Variants in SMIM17 observed in about 807,000 individuals in gnomAD.
SMIM17 encodes small integral membrane protein 17.
A neutral mutation model predicts 12.2 loss-of-function variants in SMIM17; 10 were observed. The ratio of observed to expected loss-of-function variants is 0.82; its 90% CI spans 0.50 to 1.39. The LOEUF is 1.39. SMIM17 is among the 40% of genes most tolerant of loss of function. The pLI, the probability that SMIM17 is intolerant of heterozygous loss-of-function variation, is 0.00. For synonymous variants in SMIM17, 50 were observed against 44.1 expected (o/e 1.13, Z -0.53); for missense variants, 136 against 118.2 (o/e 1.15, Z -0.70).
At chr19:56,645,902 A>AAGACT in intron 2 of SMIM17, 66 bp downstream of exon 2, 1 of 1,433,560 alleles carries the variant, frequency 7.0e-7, no homozygotes, top group Non-Finnish European at 9.2e-7. Flanking sequence ...AGCCTAGGGA[A>AAGACT]AGACTAAACA....
intron 3 of SMIM17, among the ~76,000 whole-genome samples, chr19:56,653,731 T>C (rs1383733803): frequency 2.0e-5 from 3 of 152,214 alleles, no homozygotes; most frequent in African/African-American, 7.2e-5. Context: ...TCCCTAGGTA[T>C]CTGGTTGTAA....
chr19:56,656,814 G>GA lies in SMIM17; in HGVS notation c.*1603dup, dbSNP rs2045155103. On this transcript the variant is annotated 3_prime_UTR_variant, in exon 4 of 4. Coordinates refer to ENST00000598409, the MANE Select transcript of SMIM17 (RefSeq NM_001193628.2). ...CTTGTTTTACTGCACTGTGAACACA[G>GA]AATGTGGCCTATAACACATCTGCTT... Among the ~76,000 whole-genome samples, 2 of 152,326 alleles carry GA rather than the reference G, an allele frequency of 1.3e-5. No individual in the cohort carries two copies. Among genetic ancestry groups the GA allele is most frequent in the South Asian group, 4.1e-4 (2 of 4,834 alleles).
In SMIM17 at chr19:56,645,837, G is replaced by T; in HGVS notation, c.169+1G>T. ...TCCAGCCATGACAGTGATGAGAAAG[G>T]TGAGAGGCAGGGGTCCTTTGGGAGG... On this transcript the variant is annotated splice_donor_variant, in intron 2 of 3. Transcript: ENST00000598409. LOFTEE classifies it high-confidence loss of function. 6.5e-7 allele frequency: 1 copy of T among 1,530,764 alleles called. No homozygotes were observed. Among genetic ancestry groups the T allele is most frequent in the South Asian group, 1.2e-5 (1 of 83,166 alleles). 94.8% of individuals were successfully genotyped at this position (1,530,764 alleles called of 1,614,324 possible). A position where few individuals can be genotyped will look rare whatever the true frequency, so the allele number is the denominator to read the frequency against.
chr19:56,643,988 A>G (rs1334973749), intron 1 of SMIM17, among the ~76,000 whole-genome samples: 1 of 151,906 alleles, frequency 6.6e-6, no homozygotes, highest in Non-Finnish European at 1.5e-5. Context: ...CACCATGAAC[A>G]CTGAGGCTGT....
rs1227366335 is a variant in SMIM17, at chr19:56,645,775, C to T, written c.108C>T (p.Ala36=). 6.5e-7 allele frequency: 1 copy of T among 1,535,902 alleles called. No individual in the cohort carries two copies. Among genetic ancestry groups the T allele is most frequent in the South Asian group, 1.2e-5 (1 of 84,012 alleles). ...CCTGGGAGAAGCCTCCTCATCCCGCCTGCACCAAAGACTGGGAGGCTGTGG... is the reference window on the plus strand; with the variant it reads ...CCTGGGAGAAGCCTCCTCATCCCGCTTGCACCAAAGACTGGGAGGCTGTGG... ...SRAWEKPPHP[A]CTKDWEAVEV... Residue 36 remains alanine, a synonymous_variant, in exon 2 of 4, where the codon GCC becomes GCT. Transcript: ENST00000598409.
At chr19:56,650,086 A>G (rs8182522) in intron 3 of SMIM17, among the ~76,000 whole-genome samples, 102,614 of 152,042 alleles carry the variant, frequency 0.67, 34,843 homozygotes, top group East Asian at 0.88. Flanking sequence ...TCAGAAATGT[A>G]TAGTTAGGGA....
intron 3 of SMIM17, among the ~76,000 whole-genome samples, chr19:56,649,495 A>G (rs10408736): frequency 0.1 from 15,165 of 152,174 alleles, 1,204 homozygotes; most frequent in African/African-American, 0.22. Flanking sequence ...ATGGAGAAAA[A>G]TGAAGCAGGA....
At chr19:56,646,568 C>A (rs2045064927) in intron 2 of SMIM17, among the ~76,000 whole-genome samples, 1 of 152,106 alleles carries the variant, frequency 6.6e-6, no homozygotes, top group Admixed American at 6.5e-5. Flanking sequence ...GCTCCAAATG[C>A]CGATAGTGCC....
intron 3 of SMIM17, among the ~76,000 whole-genome samples, chr19:56,650,299 G>A (rs1267074330): frequency 6.6e-6 from 1 of 152,104 alleles, no homozygotes; most frequent in Non-Finnish European, 1.5e-5. Context: ...TCAGCCTCCT[G>A]AGTAGCTAGG....
chr19:56,651,441 C>T (rs1188436023), intron 3 of SMIM17, among the ~76,000 whole-genome samples: 3 of 152,040 alleles, frequency 2.0e-5, no homozygotes, highest in South Asian at 2.1e-4. Flanking sequence ...AGTTACTTTC[C>T]GGGAGGGCAG....
At chr19:56,651,360 C>A (rs2045107835) in intron 3 of SMIM17, among the ~76,000 whole-genome samples, 1 of 152,180 alleles carries the variant, frequency 6.6e-6, no homozygotes, top group Non-Finnish European at 1.5e-5. Context: ...GAAGGCCTCT[C>A]TCTCCCTGTT....
chr19:56,647,438 AG>A, intron 2 of SMIM17, 119 bp from the exon 3 acceptor site: 1 of 645,446 alleles, frequency 1.5e-6, no homozygotes, highest in Non-Finnish European at 2.6e-6. Context: ...AGAGAGAGAG[AG>A]AGAGAGAGAG....
At chr19:56,648,375 T>TTCCATCCATCCA (rs3071091) in intron 3 of SMIM17, among the ~76,000 whole-genome samples, 84 of 146,344 alleles carry the variant, frequency 5.7e-4, no homozygotes, top group Non-Finnish European at 6.8e-4. Context: ...CATATACCCA[T>TTCCATCCATCCA]TCCATCCATC....
intron 3 of SMIM17, among the ~76,000 whole-genome samples, chr19:56,649,541 G>A (rs1243104812): frequency 1.3e-5 from 2 of 152,178 alleles, no homozygotes; most frequent in African/African-American, 4.8e-5. Flanking sequence ...GCTGGGGGTT[G>A]CTATTTTAAG....
intron 3 of SMIM17, among the ~76,000 whole-genome samples, chr19:56,650,008 G>T (rs2045097112): frequency 6.6e-6 from 1 of 152,082 alleles, no homozygotes; most frequent in Admixed American, 6.6e-5. Context: ...ATCACTCTGG[G>T]AGCCCATGTG....
At chr19:56,650,423 C>T (rs148325887) in intron 3 of SMIM17, among the ~76,000 whole-genome samples, 4 of 152,304 alleles carry the variant, frequency 2.6e-5, no homozygotes, top group East Asian at 3.9e-4. Context: ...CCGCCCACCT[C>T]GGCCTCCGAA....
Position 56,656,557 on chromosome 19 carries a change from C to A in SMIM17, c.*1344C>A, listed in dbSNP as rs1443316186. The stretch of plus-strand genomic sequence containing the variant: ...TTTCTTCTTTGTCTCAGTTTTTATA[C>A]TGAATACTTGATTTATATTCTCTTT... On this transcript the variant is annotated 3_prime_UTR_variant, in exon 4 of 4. Transcript: ENST00000598409. Among the ~76,000 whole-genome samples the A allele has an allele frequency of 6.6e-6, 1 of 152,010 alleles. No homozygotes were observed. The highest frequency in any genetic ancestry group is 1.5e-5 in the Non-Finnish European group (1 of 68,002).
chr19:56,653,261 T>C (rs2045123389), intron 3 of SMIM17, among the ~76,000 whole-genome samples: 1 of 152,258 alleles, frequency 6.6e-6, no homozygotes, highest in Admixed American at 6.5e-5. Flanking sequence ...TTGAATTTTA[T>C]CTAAATACTG....
At chr19:56,646,336 T>C (rs984445917) in intron 2 of SMIM17, among the ~76,000 whole-genome samples, 22 of 152,220 alleles carry the variant, frequency 1.4e-4, no homozygotes, top group African/African-American at 5.3e-4. Flanking sequence ...TGATCTCATT[T>C]GCATTTCAAA....
Sources: gnomAD v4.1 joint callset for allele counts (sites outside exome capture counted in the v4.1 genomes callset) on GRCh38, gnomAD v4.1.1 for gene constraint, MANE v1.5 for transcripts, NCBI Gene and HGNC (gene_info 2026-07-23, HGNC 2026-07-21) for gene names.